Variants in PELI2 observed in about 807,000 individuals in gnomAD.
The protein encoded by PELI2 is E3 ubiquitin-protein ligase pellino homolog 2.
A neutral mutation model predicts 42.3 loss-of-function variants in PELI2; 23 were observed. The ratio of observed to expected loss-of-function variants is 0.54; its 90% CI spans 0.39 to 0.77. The LOEUF (loss-of-function observed/expected upper bound fraction) is 0.77, where lower values mean the gene tolerates loss of function less well. Ranked by LOEUF, PELI2 falls within the 30% of genes least tolerant of loss-of-function variation. The probability of loss-of-function intolerance (pLI) is 0.00; values close to 1 mark genes in which losing one functional copy is unlikely to be tolerated. For missense variants in PELI2, 463 were observed against 553.2 expected (o/e 0.84, Z 1.64); for synonymous variants, 245 against 212.2 (o/e 1.15, Z -1.34).
At chr14:56,145,683 T>C (rs1884089173) in intron 1 of PELI2, among the ~76,000 whole-genome samples, 1 of 152,212 alleles carries the variant, frequency 6.6e-6, no homozygotes, top group Non-Finnish European at 1.5e-5. Flanking sequence ...GAATGCAAAC[T>C]ATCATTTATT....
At chr14:56,159,535 A>T (rs918102906) in intron 1 of PELI2, among the ~76,000 whole-genome samples, 2 of 152,246 alleles carry the variant, frequency 1.3e-5, no homozygotes, top group African/African-American at 4.8e-5. Context: ...TGCATTATAC[A>T]AATAAGTACT....
intron 2 of PELI2, among the ~76,000 whole-genome samples, chr14:56,206,416 A>C (rs897209850): frequency 6.6e-6 from 1 of 152,214 alleles, no homozygotes; most frequent in Non-Finnish European, 1.5e-5. Context: ...AATGGATTAT[A>C]CTTTGTAAAC....
intron 1 of PELI2, among the ~76,000 whole-genome samples, chr14:56,139,046 A>G (rs1263938932): frequency 6.6e-6 from 1 of 152,208 alleles, no homozygotes; most frequent in Non-Finnish European, 1.5e-5. Flanking sequence ...AGAATTGTGG[A>G]GACAGCTGGG....
At position 56,118,460 on chromosome 14, in the gene PELI2, C is replaced by G. The variant is rs919368375; in HGVS notation, c.-201C>G. On this transcript the variant is annotated 5_prime_UTR_variant, in exon 1 of 6. Coordinates refer to ENST00000267460, the MANE Select transcript of PELI2 (RefSeq NM_021255.3). ...GGGGCGGCCGCGGCGCGCGGAGCTC[C>G]GGGGAGTCAGGCGGAGCAGCCGCGC... 6.2e-6 allele frequency: 2 copies of G among 321,918 alleles called. No individual in the cohort carries two copies. Among genetic ancestry groups the G allele is most frequent in the African/African-American group, 4.4e-5 (2 of 45,710 alleles). 19.9% of individuals were successfully genotyped at this position (321,918 alleles called of 1,614,324 possible). A position where few individuals can be genotyped will look rare whatever the true frequency, so the allele number is the denominator to read the frequency against.
chr14:56,223,268 T>C lies in PELI2; in HGVS notation c.207+44804T>C, dbSNP rs576924120. ...GGTCTTAATTTCTAACTTCAGAGCT[T>C]AATAATGCTTCTTCTTAAGGGGCAG... is the stretch of plus-strand genomic sequence containing the variant. On this transcript the variant is annotated intron_variant, in intron 2 of 5. Coordinates refer to ENST00000267460, the MANE Select transcript of PELI2 (RefSeq NM_021255.3). Among the ~76,000 whole-genome samples the C allele has an allele frequency of 2.6e-5, 4 of 152,350 alleles. No individual in the cohort carries two copies. The South Asian group carries it at 8.3e-4, about 32-fold the overall frequency.
In PELI2 at chr14:56,296,997, C is replaced by T. The variant is rs1321740714; in HGVS notation, c.1094C>T (p.Ala365Val). The change falls in exon 6 of 6, where the codon GCT becomes GTT. Residue 365 changes from alanine to valine, a missense_variant. Physicochemically the swap from Ala to Val is moderately conservative, Grantham distance 64 (BLOSUM62 0). Around this residue, in one of 3 missense-constraint regions of PELI2, gnomAD observed 103 missense variants for 129.6 expected, o/e 0.80. Coordinates refer to ENST00000267460, the MANE Select transcript of PELI2 (RefSeq NM_021255.3). ...FYVDAGPPTH[A>V]FTPCGHVCSE... is the part of the protein sequence containing the mutation. ...GTAGACGCAGGACCGCCAACTCATG[C>T]TTTCACTCCCTGTGGACACGTGTGC... The T allele has an allele frequency of 6.2e-7, 1 of 1,614,180 alleles. No homozygotes were observed. Among genetic ancestry groups the T allele is most frequent in the Non-Finnish European group, 8.5e-7 (1 of 1,180,032 alleles).
intron 2 of PELI2, among the ~76,000 whole-genome samples, chr14:56,182,708 T>C (rs1218201367): frequency 1.3e-5 from 2 of 152,198 alleles, no homozygotes; most frequent in Non-Finnish European, 2.9e-5. Context: ...CTTCACCGTG[T>C]TTGGGCTGCT....
chr14:56,300,797 C>T lies in PELI2; in HGVS notation c.*3631C>T, dbSNP rs1219764785. 6.6e-6 allele frequency: 1 copy of T among 152,146 alleles called. No individual in the cohort carries two copies. 9.4% of individuals were successfully genotyped at this position (152,146 alleles called of 1,614,324 possible). ...TCAATCTTCTGTCCCAGTAGTTTAGCCTTTGTGGCTTAGGTTATGATGCGC... is the reference window on the plus strand; with the variant it reads ...TCAATCTTCTGTCCCAGTAGTTTAGTCTTTGTGGCTTAGGTTATGATGCGC... On this transcript the variant is annotated 3_prime_UTR_variant, in exon 6 of 6. Coordinates refer to ENST00000267460, the MANE Select transcript of PELI2 (RefSeq NM_021255.3).
At chr14:56,191,155 T>G (rs1885936911) in intron 2 of PELI2, among the ~76,000 whole-genome samples, 1 of 151,978 alleles carries the variant, frequency 6.6e-6, no homozygotes, top group South Asian at 2.1e-4. Context: ...GATTGTGAGG[T>G]CCTGGACAGC....
At chr14:56,176,479 C>T (rs1885390819) in intron 1 of PELI2, among the ~76,000 whole-genome samples, 1 of 152,156 alleles carries the variant, frequency 6.6e-6, no homozygotes, top group African/African-American at 2.4e-5. Context: ...AAAAGGCATG[C>T]AGTTAACATA....
At chr14:56,239,765 T>C (rs1037711608) in intron 2 of PELI2, among the ~76,000 whole-genome samples, 2 of 152,156 alleles carry the variant, frequency 1.3e-5, no homozygotes, top group African/African-American at 4.8e-5. Context: ...TGGGAAGTCC[T>C]TTAGAGAAGC....
chr14:56,132,275 A>T (rs901644525), intron 1 of PELI2, among the ~76,000 whole-genome samples: 2 of 152,210 alleles, frequency 1.3e-5, no homozygotes, highest in African/African-American at 4.8e-5. Flanking sequence ...GCTCAAGTGT[A>T]TTCCACTTCT....
chr14:56,282,658 A>G (rs2139880182), intron 3 of PELI2, among the ~76,000 whole-genome samples: 1 of 152,144 alleles, frequency 6.6e-6, no homozygotes, highest in South Asian at 2.1e-4. Context: ...GTTTGAACTC[A>G]AAAATAAGAT....
chr14:56,292,327 A>G (rs1889855560), intron 5 of PELI2, among the ~76,000 whole-genome samples: 1 of 152,180 alleles, frequency 6.6e-6, no homozygotes, highest in African/African-American at 2.4e-5. Flanking sequence ...GAACGGATAC[A>G]TTCTTCCTGC....
chr14:56,283,200 C>T (rs1201385156), intron 3 of PELI2, among the ~76,000 whole-genome samples: 2 of 152,228 alleles, frequency 1.3e-5, no homozygotes, highest in African/African-American at 4.8e-5. Flanking sequence ...TCCCTCTCAT[C>T]TCTGCAGAAT....
intron 2 of PELI2, among the ~76,000 whole-genome samples, chr14:56,246,623 A>T (rs1229290559): frequency 6.6e-6 from 1 of 152,160 alleles, no homozygotes; most frequent in African/African-American, 2.4e-5. Flanking sequence ...ACGTAGGCCA[A>T]CTGTGTACCA....
intron 1 of PELI2, among the ~76,000 whole-genome samples, chr14:56,171,784 G>A (rs952599245): frequency 6.7e-6 from 1 of 148,546 alleles, no homozygotes; most frequent in Non-Finnish European, 1.5e-5. Context: ...GGGAGGCTGA[G>A]GTGGGCGGAT....
At chr14:56,201,448 A>G (rs903322816) in intron 2 of PELI2, among the ~76,000 whole-genome samples, 4 of 152,228 alleles carry the variant, frequency 2.6e-5, no homozygotes, top group African/African-American at 9.6e-5. Context: ...GGGGATTTAA[A>G]CAACTGTAGT....
chr14:56,253,841 C>A (rs1888434804), intron 2 of PELI2, among the ~76,000 whole-genome samples: 1 of 152,078 alleles, frequency 6.6e-6, no homozygotes, highest in Non-Finnish European at 1.5e-5. Context: ...GGAAAAAAAA[C>A]TACTTTAAAT....
Sources: gnomAD v4.1 joint callset for allele counts (sites outside exome capture counted in the v4.1 genomes callset) on GRCh38, gnomAD v4.1.1 for gene constraint, gnomAD v4.1.1 regional missense constraint, MANE v1.5 for transcripts, NCBI Gene and HGNC (gene_info 2026-07-23, HGNC 2026-07-21) for gene names.